ZFPM2: variants seen among roughly 807,000 people sequenced by gnomAD.
The protein encoded by ZFPM2 is zinc finger protein ZFPM2.
ZFPM2 carries 20 observed loss-of-function variants against 98.6 expected under a neutral mutation model. That is an observed-to-expected ratio of 0.20 (90% CI 0.14 to 0.29). The LOEUF (loss-of-function observed/expected upper bound fraction) is 0.29. Among genes scored for constraint, ZFPM2 ranks in the 10% least tolerant of loss-of-function variants. The probability of loss-of-function intolerance (pLI) is 1.00; values close to 1 mark genes in which losing one functional copy is unlikely to be tolerated. For synonymous variants in ZFPM2, 518 were observed against 502.7 expected (o/e 1.03, Z -0.41); for missense variants, 1,310 against 1,388.6 (o/e 0.94, Z 0.90).
intron 5 of ZFPM2, among the ~76,000 whole-genome samples, chr8:105,655,563 T>C (rs1817269159): frequency 1.3e-5 from 2 of 152,164 alleles, no homozygotes; most frequent in Admixed American, 1.3e-4. Context: ...AGAAAACTGT[T>C]GAATGGCGGA....
intron 5 of ZFPM2, among the ~76,000 whole-genome samples, chr8:105,764,286 TGACACACA>T (rs1812805924): frequency 3.3e-5 from 3 of 90,484 alleles, no homozygotes; most frequent in Non-Finnish European, 2.4e-5. Context: ...TCTCTCTCTC[TGACACACA>T]CACACACACA....
chr8:105,788,017 T>TA (rs1254353450), intron 5 of ZFPM2, among the ~76,000 whole-genome samples: 10 of 152,354 alleles, frequency 6.6e-5, no homozygotes, highest in African/African-American at 1.9e-4. Context: ...AACAAATCTT[T>TA]ATTTAAATGA....
At chr8:105,416,988 T>C (rs1426332145) in intron 1 of ZFPM2, among the ~76,000 whole-genome samples, 1 of 149,920 alleles carries the variant, frequency 6.7e-6, no homozygotes, top group Admixed American at 6.7e-5. Flanking sequence ...AGTAGTATAT[T>C]AATTAAAAGT....
rs1811710842 is a variant in ZFPM2, at chr8:105,723,166, T to TC, written c.533-65551dup. Among the ~76,000 whole-genome samples, 4 of 152,004 alleles carry TC rather than the reference T, an allele frequency of 2.6e-5. No individual in the cohort carries two copies. The South Asian group carries it at 8.3e-4, about 31-fold the overall frequency. On this transcript the variant is annotated intron_variant, in intron 5 of 7. Transcript: ENST00000407775. ...ATTTCATCCCCCACCCATTTTTTTT[T>TC]CTGTATTCACAGTCTCTTTCATGAT...
In ZFPM2 at chr8:105,492,322, C is replaced by T. The variant is rs547148302; in HGVS notation, c.301+47941C>T. Among the ~76,000 whole-genome samples, 14 of 152,244 alleles carry T rather than the reference C, an allele frequency of 9.2e-5. No individual in the cohort carries two copies. In the East Asian group the frequency reaches 2.1e-3, roughly 23 times the overall value. On this transcript the variant is annotated intron_variant, in intron 3 of 7. Coordinates refer to ENST00000407775, the MANE Select transcript of ZFPM2 (RefSeq NM_012082.4). ...ACCAATTACATATGTATTTCTCCAA[C>T]TTTACATACTTTGACATTGAAACTC...
chr8:105,745,151 T>C (rs1812313863), intron 5 of ZFPM2, among the ~76,000 whole-genome samples: 1 of 152,152 alleles, frequency 6.6e-6, no homozygotes, highest in South Asian at 2.1e-4. Context: ...TATTACAGTA[T>C]TGGCTATCTA....
chr8:105,750,967 C>T (rs746991038), intron 5 of ZFPM2, among the ~76,000 whole-genome samples: 1 of 152,022 alleles, frequency 6.6e-6, no homozygotes, highest in Non-Finnish European at 1.5e-5. Context: ...CTCATCAAGA[C>T]CTGTAATAAC....
intron 1 of ZFPM2, among the ~76,000 whole-genome samples, chr8:105,331,773 G>A (rs1339802536): frequency 6.6e-6 from 1 of 151,682 alleles, no homozygotes; most frequent in Non-Finnish European, 1.5e-5. Context: ...AGGACTCTAA[G>A]GAATTGCTAT....
intron 3 of ZFPM2, among the ~76,000 whole-genome samples, chr8:105,515,725 C>G (rs1480855557): frequency 6.6e-6 from 1 of 150,796 alleles, no homozygotes; most frequent in Non-Finnish European, 1.5e-5. Flanking sequence ...CTCTGCCCTA[C>G]TTTGGGCTTT....
At chr8:105,530,484 C>T (rs1358952942) in intron 3 of ZFPM2, among the ~76,000 whole-genome samples, 3 of 152,102 alleles carry the variant, frequency 2.0e-5, no homozygotes, top group Non-Finnish European at 2.9e-5. Flanking sequence ...ATCAGGGTGA[C>T]GTCATGGTCA....
intron 5 of ZFPM2, among the ~76,000 whole-genome samples, chr8:105,764,845 T>A (rs1053511443): frequency 6.6e-6 from 1 of 151,856 alleles, no homozygotes; most frequent in Non-Finnish European, 1.5e-5. Flanking sequence ...AAGTATTTGA[T>A]AAGCATTTGA....
At chr8:105,579,806 G>A (rs184262311) in intron 4 of ZFPM2, among the ~76,000 whole-genome samples, 1,668 of 152,052 alleles carry the variant, frequency 0.011, 6 homozygotes, top group Non-Finnish European at 0.017. Context: ...TTTTTTCAGC[G>A]TGGTAGTTCT....
At chr8:105,340,134 A>G (rs1812400035) in intron 1 of ZFPM2, among the ~76,000 whole-genome samples, 1 of 151,902 alleles carries the variant, frequency 6.6e-6, no homozygotes, top group East Asian at 1.9e-4. Flanking sequence ...AAAATGAAGG[A>G]GCCATTGCAA....
chr8:105,577,641 T>C (rs1815496710), intron 4 of ZFPM2, among the ~76,000 whole-genome samples: 2 of 152,002 alleles, frequency 1.3e-5, no homozygotes, highest in African/African-American at 4.8e-5. Flanking sequence ...ATACTTTAAG[T>C]ACTCTAATAG....
At chr8:105,328,073 T>C (rs1812147592) in intron 1 of ZFPM2, among the ~76,000 whole-genome samples, 1 of 151,852 alleles carries the variant, frequency 6.6e-6, no homozygotes. Flanking sequence ...ATTTTCATGG[T>C]GTGCATTTTC....
intron 1 of ZFPM2, among the ~76,000 whole-genome samples, chr8:105,347,168 A>G (rs924696876): frequency 6.6e-5 from 10 of 151,900 alleles, no homozygotes; most frequent in Non-Finnish European, 1.2e-4. Context: ...GTCAGATAGA[A>G]AAACGTATTG....
At chr8:105,437,626 T>G (rs1265860286) in intron 2 of ZFPM2, among the ~76,000 whole-genome samples, 1 of 152,232 alleles carries the variant, frequency 6.6e-6, no homozygotes, top group Non-Finnish European at 1.5e-5. Flanking sequence ...GATTATACTC[T>G]TACCTCATTG....
At position 105,455,396 on chromosome 8, in the gene ZFPM2, G is replaced by C. The variant is rs543818859; in HGVS notation, c.301+11015G>C. ...CAGAATATGCAGCTTTTTCAAAACC[G>C]TTGTCATGAGAAGGGAGGTGAATTC... On this transcript the variant is annotated intron_variant, in intron 3 of 7. Coordinates refer to ENST00000407775, the MANE Select transcript of ZFPM2 (RefSeq NM_012082.4). Among the ~76,000 whole-genome samples the C allele has an allele frequency of 4.6e-5, 7 of 152,188 alleles. No individual in the cohort carries two copies. In the South Asian group the frequency reaches 1.5e-3, roughly 32 times the overall value.
At position 105,757,526 on chromosome 8, in the gene ZFPM2, A is replaced by G. The variant is rs1032484720; in HGVS notation, c.533-31192A>G. The stretch of plus-strand genomic sequence containing the variant: ...CACATCCAGGACAAAACGCGTAGTT[A>G]TTATATTTGGAATATACTTTATGAC... On this transcript the variant is annotated intron_variant, in intron 5 of 7. Transcript: ENST00000407775. 2.3e-4 allele frequency among the ~76,000 whole-genome samples: 35 copies of G among 152,190 alleles called. 1 individual carries two copies. Among genetic ancestry groups the G allele is most frequent in the Admixed American group, 2.2e-3 (33 of 15,266 alleles).
Sources: gnomAD v4.1 joint callset for allele counts (sites outside exome capture counted in the v4.1 genomes callset) on GRCh38, gnomAD v4.1.1 for gene constraint, MANE v1.5 for transcripts, NCBI Gene and HGNC (gene_info 2026-07-23, HGNC 2026-07-21) for gene names.